Variants in CDH13 observed in about 807,000 individuals in gnomAD.
The protein encoded by CDH13 is cadherin-13.
A neutral mutation model predicts 63.8 loss-of-function variants in CDH13; 24 were observed. The ratio of observed to expected loss-of-function variants is 0.38; its 90% CI spans 0.27 to 0.53. CDH13 has a LOEUF of 0.53. CDH13 is among the 20% of genes least tolerant of loss of function. The probability of loss-of-function intolerance (pLI) is 0.85; values close to 1 mark genes in which losing one functional copy is unlikely to be tolerated. For synonymous variants in CDH13, 503 were observed against 355.3 expected (o/e 1.42, Z -4.67); for missense variants, 1,049 against 903.1 (o/e 1.16, Z -2.07).
At chr16:83,160,732 G>C (rs532643164) in intron 4 of CDH13, among the ~76,000 whole-genome samples, 1 of 152,196 alleles carries the variant, frequency 6.6e-6, no homozygotes, top group African/African-American at 2.4e-5. Context: ...TCTCTGATCT[G>C]TTGGTATTAA....
At chr16:83,117,053 C>A (rs1443877400) in intron 3 of CDH13, among the ~76,000 whole-genome samples, 1 of 152,206 alleles carries the variant, frequency 6.6e-6, no homozygotes, top group African/African-American at 2.4e-5. Flanking sequence ...TACGACAGAC[C>A]TGGGAGAAGG....
chr16:83,508,100 G>GA (rs1555563700), intron 7 of CDH13, among the ~76,000 whole-genome samples: 21 of 59,670 alleles, frequency 3.5e-4, no homozygotes, highest in African/African-American at 1.1e-3. Context: ...AGGAAGGAAA[G>GA]AAGGAAGGAA....
intron 1 of CDH13, among the ~76,000 whole-genome samples, chr16:82,633,293 A>T (rs1048103465): frequency 3.9e-4 from 59 of 152,334 alleles, no homozygotes; most frequent in African/African-American, 1.4e-3. Flanking sequence ...AACTTACTCT[A>T]CTTAGACTTG....
chr16:83,156,185 A>G (rs1467700286), intron 4 of CDH13, among the ~76,000 whole-genome samples: 3 of 152,186 alleles, frequency 2.0e-5, no homozygotes, highest in African/African-American at 4.8e-5. Context: ...TTAAAGAATA[A>G]CCAAACTCCT....
intron 4 of CDH13, among the ~76,000 whole-genome samples, chr16:83,167,856 A>T (rs1385471608): frequency 6.6e-6 from 1 of 152,092 alleles, no homozygotes; most frequent in Non-Finnish European, 1.5e-5. Context: ...TGTATCATGG[A>T]ATACCATGCA....
Position 82,812,017 on chromosome 16 carries a change from G to A in CDH13, c.46-46345G>A, listed in dbSNP as rs118028934. ...AGTAGGTTCTACCTTCAGCCTTGGG[G>A]TGGGACCAGGTTACGAAGGGATGTT... On this transcript the variant is annotated intron_variant, in intron 1 of 13. Transcript: ENST00000567109. 5.5e-3 allele frequency among the ~76,000 whole-genome samples: 835 copies of A among 152,256 alleles called. 5 individuals carry two copies. Among genetic ancestry groups the A allele is most frequent in the Middle Eastern group, 0.02 (6 of 294 alleles).
At chr16:83,106,558 A>G (rs931055750) in intron 3 of CDH13, among the ~76,000 whole-genome samples, 2 of 152,184 alleles carry the variant, frequency 1.3e-5, no homozygotes, top group African/African-American at 4.8e-5. Context: ...ACAAAACAAA[A>G]CAATACAAAA....
intron 5 of CDH13, among the ~76,000 whole-genome samples, chr16:83,344,389 G>A (rs372387511): frequency 2.0e-5 from 3 of 152,318 alleles, no homozygotes; most frequent in East Asian, 1.9e-4. Context: ...TTCCTAGCCT[G>A]AGGAAAGCCC....
chr16:83,563,088 T>C (rs2075736021), intron 7 of CDH13, among the ~76,000 whole-genome samples: 1 of 152,246 alleles, frequency 6.6e-6, no homozygotes, highest in African/African-American at 2.4e-5. Context: ...AGAGTAAGTA[T>C]ATGAATGATG....
At chr16:83,240,230 T>A (rs900141318) in intron 5 of CDH13, among the ~76,000 whole-genome samples, 1 of 152,080 alleles carries the variant, frequency 6.6e-6, no homozygotes, top group Non-Finnish European at 1.5e-5. Context: ...GGTGCAAAGA[T>A]CCGGAGGTCA....
chr16:82,807,546 G>C (rs1487670577), intron 1 of CDH13, among the ~76,000 whole-genome samples: 2 of 140,166 alleles, frequency 1.4e-5, no homozygotes, highest in African/African-American at 5.0e-5. Context: ...AAAACCATCT[G>C]GGTAAAAATG....
chr16:83,084,453 G>A (rs950323970), intron 3 of CDH13, among the ~76,000 whole-genome samples: 4 of 152,230 alleles, frequency 2.6e-5, no homozygotes, highest in African/African-American at 9.6e-5. Context: ...TTGTGGAGGA[G>A]AACCCATCAC....
At chr16:82,815,905 G>A (rs1454897491) in intron 1 of CDH13, among the ~76,000 whole-genome samples, 1 of 152,174 alleles carries the variant, frequency 6.6e-6, no homozygotes, top group African/African-American at 2.4e-5. Context: ...AACGGAAAAT[G>A]TCATTCTTTC....
intron 5 of CDH13, 94 bp downstream of exon 5, chr16:83,217,591 T>C: frequency 7.5e-7 from 1 of 1,339,266 alleles, no homozygotes. Flanking sequence ...CTGTGCCTCA[T>C]CAAACCCGGG....
chr16:83,263,150 C>T (rs949750815), intron 5 of CDH13, among the ~76,000 whole-genome samples: 6 of 152,150 alleles, frequency 3.9e-5, no homozygotes, highest in Non-Finnish European at 4.4e-5. Flanking sequence ...AAACAGGAGT[C>T]GAGCTCATCG....
intron 8 of CDH13, among the ~76,000 whole-genome samples, chr16:83,634,130 T>TGTGC (rs1316379926): frequency 1.8e-5 from 1 of 55,154 alleles, no homozygotes; most frequent in Non-Finnish European, 4.6e-5. Context: ...TGTGTGTGTG[T>TGTGC]GTGTATGTGT....
At chr16:83,657,876 G>T (rs1385560214) in intron 8 of CDH13, among the ~76,000 whole-genome samples, 11 of 151,150 alleles carry the variant, frequency 7.3e-5, no homozygotes, top group Non-Finnish European at 1.5e-4. Flanking sequence ...TCACCAGCAA[G>T]GTCCCATATC....
At chr16:83,354,818 G>C (rs1316880524) in intron 6 of CDH13, among the ~76,000 whole-genome samples, 1 of 152,206 alleles carries the variant, frequency 6.6e-6, no homozygotes, top group Non-Finnish European at 1.5e-5. Context: ...TATGGGCCAT[G>C]GGCCAAATGT....
At chr16:83,342,573 A>T (rs1189166360) in intron 5 of CDH13, among the ~76,000 whole-genome samples, 1 of 152,214 alleles carries the variant, frequency 6.6e-6, no homozygotes, top group Non-Finnish European at 1.5e-5. Context: ...GTCTGTTTGC[A>T]TAATTGGTTT....
Sources: gnomAD v4.1 joint callset for allele counts (sites outside exome capture counted in the v4.1 genomes callset) on GRCh38, gnomAD v4.1.1 for gene constraint, MANE v1.5 for transcripts, NCBI Gene and HGNC (gene_info 2026-07-23, HGNC 2026-07-21) for gene names.